The following IRAK1BP1 variants were observed in gnomAD, a reference collection of about 807,000 sequenced individuals.
IRAK1BP1 encodes the protein interleukin-1 receptor-associated kinase 1-binding protein 1.
Under a neutral mutation model 28.0 loss-of-function variants are expected in IRAK1BP1, and 24 were observed. The observed-to-expected ratio is 0.86, with a 90% CI of 0.62 to 1.20. IRAK1BP1 has a LOEUF of 1.20. Ranked by LOEUF, IRAK1BP1 falls within the 50% of genes most tolerant of loss-of-function variation. The pLI, the probability that IRAK1BP1 is intolerant of heterozygous loss-of-function variation, is 0.00. For missense variants in IRAK1BP1, 336 were observed against 316.7 expected (o/e 1.06, Z -0.46); for synonymous variants, 131 against 116.3 (o/e 1.13, Z -0.81).
chr6:78,968,687 A>T, the IRAK1BP1 span, among the ~76,000 whole-genome samples: 2 of 152,166 alleles, frequency 1.3e-5, no homozygotes, highest in Non-Finnish European at 2.9e-5. Context: ...GCTCCTAAGC[A>T]AAACAGCATA....
intron 4 of IRAK1BP1, chr6:78,940,605 CAGCAGCAAGGA>C (rs1221848804): frequency 8.8e-6 from 3 of 339,576 alleles, no homozygotes; most frequent in Non-Finnish European, 1.6e-5. Context: ...TACTCCACCA[CAGCAGCAAGGA>C]AGCAGAAGCC....
chr6:78,887,023 G>A (rs1361881806), intron 2 of IRAK1BP1, among the ~76,000 whole-genome samples: 2 of 152,154 alleles, frequency 1.3e-5, no homozygotes, highest in East Asian at 3.9e-4. Flanking sequence ...GGGATCACAA[G>A]ATACAAAATG....
the IRAK1BP1 span, among the ~76,000 whole-genome samples, chr6:78,953,547 G>A: frequency 1.4e-4 from 22 of 152,154 alleles, no homozygotes; most frequent in Non-Finnish European, 2.4e-4. Context: ...TATAGCATCA[G>A]CTCAGTCCCA....
At chr6:78,970,646 C>T in the IRAK1BP1 span, 2 of 625,772 alleles carry the variant, frequency 3.2e-6, no homozygotes, top group African/African-American at 1.9e-5. Flanking sequence ...CTCCTACTCT[C>T]TAGGACTGCT....
the IRAK1BP1 span, among the ~76,000 whole-genome samples, chr6:78,968,220 AAACC>A: frequency 6.6e-6 from 1 of 152,178 alleles, no homozygotes; most frequent in Non-Finnish European, 1.5e-5. Flanking sequence ...CTGATAGCCA[AAACC>A]AAGAAAAATG....
chr6:78,924,545 G>A (rs1026532305), intron 4 of IRAK1BP1, among the ~76,000 whole-genome samples: 1 of 152,134 alleles, frequency 6.6e-6, no homozygotes, highest in Non-Finnish European at 1.5e-5. Flanking sequence ...GAAAAAGAGG[G>A]AATCCTCCCT....
At chr6:78,912,839 A>G (rs1177059033) in intron 4 of IRAK1BP1, among the ~76,000 whole-genome samples, 1 of 152,234 alleles carries the variant, frequency 6.6e-6, no homozygotes, top group Non-Finnish European at 1.5e-5. Context: ...AAAATATATT[A>G]GCACCCAGGC....
intron 4 of IRAK1BP1, among the ~76,000 whole-genome samples, chr6:78,930,790 G>A (rs918063128): frequency 1.3e-5 from 2 of 151,994 alleles, no homozygotes; most frequent in African/African-American, 4.8e-5. Context: ...AAATTAGGTG[G>A]TTGAGGTGGT....
chr6:78,971,764 G>A, the IRAK1BP1 span, among the ~76,000 whole-genome samples: 2 of 152,204 alleles, frequency 1.3e-5, no homozygotes, highest in Non-Finnish European at 2.9e-5. Flanking sequence ...AGAAAGGGGT[G>A]ACGGACGGCA....
At chr6:78,876,306 C>A (rs1771001327) in intron 1 of IRAK1BP1, among the ~76,000 whole-genome samples, 3 of 152,166 alleles carry the variant, frequency 2.0e-5, no homozygotes, top group Non-Finnish European at 2.9e-5. Context: ...CCTCCCCAGC[C>A]ATGTGGAACT....
intron 4 of IRAK1BP1, among the ~76,000 whole-genome samples, chr6:78,934,650 G>A (rs1378001756): frequency 3.3e-5 from 5 of 152,170 alleles, no homozygotes; most frequent in Non-Finnish European, 5.9e-5. Flanking sequence ...CCAAAGTTGA[G>A]CCATGAATAC....
downstream of IRAK1BP1, among the ~76,000 whole-genome samples, chr6:78,950,544 T>G (rs933995608): frequency 1.3e-5 from 2 of 152,226 alleles, no homozygotes; most frequent in African/African-American, 2.4e-5. Context: ...GTTATTTGCT[T>G]CATACTGGGT....
At position 78,867,627 on chromosome 6, in the gene IRAK1BP1, C is replaced by T. The variant is rs767115033; in HGVS notation, c.51C>T (p.Pro17=). 3.1e-6 allele frequency: 5 copies of T among 1,614,112 alleles called. No individual in the cohort carries two copies. Among genetic ancestry groups the T allele is most frequent in the Middle Eastern group, 1.6e-4 (1 of 6,084 alleles). Residue 17 remains proline (P), a synonymous_variant, in exon 1 of 4, where the codon CCC becomes CCT. Transcript: ENST00000369940. ...PPTRVFVELV[P]WADRSRENNL... ...CCCGAGTGTTCGTGGAACTGGTTCC[C>T]TGGGCTGACCGGAGCCGGGAGAACA...
chr6:78,874,809 A>G (rs1262478163), intron 1 of IRAK1BP1, among the ~76,000 whole-genome samples: 1 of 152,186 alleles, frequency 6.6e-6, no homozygotes, highest in African/African-American at 2.4e-5. Flanking sequence ...TTTCTAGGAA[A>G]TACTCTTCTA....
intron 2 of IRAK1BP1, among the ~76,000 whole-genome samples, chr6:78,888,678 G>T (rs1189990417): frequency 1.3e-5 from 2 of 151,854 alleles, no homozygotes; most frequent in South Asian, 2.1e-4. Flanking sequence ...GCTAATTTTT[G>T]TATTTATAGT....
At chr6:78,924,059 AACT>A (rs1203112668) in intron 4 of IRAK1BP1, among the ~76,000 whole-genome samples, 2 of 152,212 alleles carry the variant, frequency 1.3e-5, no homozygotes, top group Non-Finnish European at 2.9e-5. Context: ...GGCAAGAAAT[AACT>A]AAGATCAGAG....
intron 2 of IRAK1BP1, among the ~76,000 whole-genome samples, chr6:78,888,031 AAG>A (rs1771494967): frequency 6.6e-6 from 1 of 151,804 alleles, no homozygotes; most frequent in Non-Finnish European, 1.5e-5. Context: ...CCTTAAAAAA[AAG>A]GGAAATCCTA....
chr6:78,870,535 T>TGG (rs1042705172), intron 1 of IRAK1BP1, among the ~76,000 whole-genome samples: 74 of 152,276 alleles, frequency 4.9e-4, no homozygotes, highest in Admixed American at 1.8e-3. Flanking sequence ...AATGAAACAA[T>TGG]AAGTGAACAA....
In IRAK1BP1 at chr6:78,928,716, T is replaced by G. The variant is rs146401792; in HGVS notation, c.*68-16692T>G. Among the ~76,000 whole-genome samples, 97 of 152,248 alleles carry G rather than the reference T, an allele frequency of 6.4e-4. 1 individual carries two copies. The South Asian group carries it at 8.1e-3, about 13-fold the overall frequency. On this transcript the variant is annotated intron_variant and NMD_transcript_variant, in intron 4 of 4. Coordinates refer to the IRAK1BP1 transcript ENST00000606868. ...TTCTATGTCCAGTTTCTTGAGCATT[T>G]TTATCATGAAGGGATGTTGAATTTC...
Sources: gnomAD v4.1 joint callset for allele counts (sites outside exome capture counted in the v4.1 genomes callset) on GRCh38, gnomAD v4.1.1 for gene constraint, MANE v1.5 for transcripts, NCBI Gene and HGNC (gene_info 2026-07-23, HGNC 2026-07-21) for gene names.